PLEKHA7: variants seen among roughly 807,000 people sequenced by gnomAD.
The protein encoded by PLEKHA7 is pleckstrin homology domain containing A7.
A neutral mutation model predicts 170.0 loss-of-function variants in PLEKHA7; 104 were observed. That is an observed-to-expected ratio of 0.61 (90% confidence interval 0.52 to 0.72). The LOEUF is 0.72. Ranked by LOEUF, PLEKHA7 falls within the 30% of genes least tolerant of loss-of-function variation. The pLI is 0.00. For missense variants in PLEKHA7, 1,615 were observed against 1,671.7 expected (o/e 0.97, Z 0.59); for synonymous variants, 648 against 660.8 (o/e 0.98, Z 0.30).
intron 3 of PLEKHA7, among the ~76,000 whole-genome samples, chr11:16,874,100 C>T (rs771462353): frequency 2.0e-5 from 3 of 152,216 alleles, no homozygotes; most frequent in African/African-American, 4.8e-5. Flanking sequence ...AGCATTAACA[C>T]CACTATCTGT....
intron 12 of PLEKHA7, among the ~76,000 whole-genome samples, chr11:16,815,823 C>G (rs192002063): frequency 6.6e-6 from 1 of 152,080 alleles, no homozygotes; most frequent in Non-Finnish European, 1.5e-5. Context: ...GTCTCAGACT[C>G]GAGCTTTGAA....
chr11:16,937,446 G>A (rs558304990), intron 3 of PLEKHA7, among the ~76,000 whole-genome samples: 2 of 152,280 alleles, frequency 1.3e-5, no homozygotes, highest in East Asian at 3.9e-4. Context: ...ACGACCATCT[G>A]TATCATAGCC....
rs7928341 is a variant in PLEKHA7, at chr11:16,843,877, C to T, written c.697-2155G>A. 9.1e-3 allele frequency among the ~76,000 whole-genome samples: 1,386 copies of T among 152,276 alleles called. 16 individuals are homozygous for T. The highest frequency in any genetic ancestry group is 0.031 in the African/African-American group (1,304 of 41,552). ...GCTTGGACCCAGGAGGTGGAGGTTG[C>T]AATGAGTTGAGATTGAACCATTGCA... On this transcript the variant is annotated intron_variant, in intron 8 of 26. Transcript: ENST00000531066.
At position 16,964,573 on chromosome 11, in the gene PLEKHA7, G is replaced by A. The variant is rs555263651; in HGVS notation, c.221+49416C>T. Among the ~76,000 whole-genome samples, 5 of 152,298 alleles carry A rather than the reference G, an allele frequency of 3.3e-5. No homozygotes were observed. In the South Asian group the frequency reaches 1.0e-3, roughly 32 times the overall value. The stretch of plus-strand genomic sequence containing the variant: ...TGAGGGGCCTTGGGGTAACAGCAAA[G>A]GACTGCAACCAGAGAAGCAACTAGG... On this transcript the variant is annotated intron_variant, in intron 3 of 26. Transcript: ENST00000531066.
At chr11:16,866,214 T>C (rs1304793320) in intron 4 of PLEKHA7, among the ~76,000 whole-genome samples, 4 of 152,164 alleles carry the variant, frequency 2.6e-5, no homozygotes, top group Admixed American at 2.0e-4. Context: ...GTCCCGTAAC[T>C]TACTTTAGCT....
chr11:16,830,135 T>G (rs4757435), intron 9 of PLEKHA7, among the ~76,000 whole-genome samples: 2 of 150,820 alleles, frequency 1.3e-5, no homozygotes, highest in South Asian at 4.2e-4. Flanking sequence ...CCTGCCACCA[T>G]GTCTGGCTAA....
In PLEKHA7 at chr11:16,871,086, T is replaced by C. The variant is rs143274212; in HGVS notation, c.305+13A>G. 170 of 1,567,844 alleles carry C rather than the reference T, an allele frequency of 1.1e-4. No individual in the cohort carries two copies. The East Asian group carries it at 3.4e-3, about 31-fold the overall frequency. On this transcript the variant is annotated intron_variant, in intron 4 of 26. Transcript: ENST00000531066. ...ACTCTGCCCAGATAAGGAGAATACA[T>C]AAAAAGACTTACTCTTCTTGAAGAA...
intron 9 of PLEKHA7, among the ~76,000 whole-genome samples, chr11:16,830,152 A>AT (rs61589645): frequency 0.011 from 1,663 of 146,934 alleles, 16 homozygotes; most frequent in Middle Eastern, 0.033. Context: ...CTAATTTTTA[A>AT]TTTTTTTTTT....
intron 3 of PLEKHA7, among the ~76,000 whole-genome samples, chr11:17,008,698 C>T (rs764488538): frequency 1.3e-5 from 2 of 152,192 alleles, no homozygotes; most frequent in African/African-American, 4.8e-5. Flanking sequence ...GAATAAGATG[C>T]CTGCCTTCAA....
intron 13 of PLEKHA7, among the ~76,000 whole-genome samples, chr11:16,809,382 C>T (rs1375429343): frequency 1.3e-5 from 2 of 152,148 alleles, no homozygotes; most frequent in East Asian, 1.9e-4. Flanking sequence ...ACCAAGTCAA[C>T]GTGGCACATG....
Position 16,855,911 on chromosome 11 carries a change from C to T in PLEKHA7, c.309G>A (p.Pro103=), listed in dbSNP as rs757115226. 10 of 1,612,954 alleles carry T rather than the reference C, an allele frequency of 6.2e-6. No homozygotes were observed. The highest frequency in any genetic ancestry group is 1.7e-4 in the Middle Eastern group (1 of 6,060). The change falls in exon 5 of 27, where the codon CCG becomes CCA. Residue 103 remains proline, a synonymous_variant. Transcript: ENST00000531066. The part of the protein sequence containing the change: ...ENSEFILQEE[P]NPHMSKQDRN... ...TGTCTTGCTTCGACATATGTGGATT[C>T]GGCCTGTGAGGAGACAGGGGATTCC...
chr11:16,868,999 A>T, intron 4 of PLEKHA7, among the ~76,000 whole-genome samples: 1 of 152,214 alleles, frequency 6.6e-6, no homozygotes, highest in South Asian at 2.1e-4. Flanking sequence ...CGGACTCTCC[A>T]TCCAGACTTA....
chr11:16,796,048 G>A (rs1255008092), intron 17 of PLEKHA7, among the ~76,000 whole-genome samples: 3 of 151,816 alleles, frequency 2.0e-5, no homozygotes, highest in South Asian at 2.1e-4. Context: ...CAGTAGAGAC[G>A]CGGTTTCACC....
In PLEKHA7 at chr11:16,808,117, G is replaced by A. The variant is rs115277840; in HGVS notation, c.2008-4822C>T. Among the ~76,000 whole-genome samples the A allele has an allele frequency of 6.3e-3, 958 of 152,314 alleles. 8 individuals carry two copies. Among genetic ancestry groups the A allele is most frequent in the African/African-American group, 0.022 (913 of 41,570 alleles). The stretch of plus-strand genomic sequence containing the variant: ...CAGATACTGACACTTTCGGTCTGAG[G>A]ATCACATTTTGAGAGCCGCTACTTC... On this transcript the variant is annotated intron_variant, in intron 13 of 26. Transcript: ENST00000531066.
At chr11:16,878,832 T>A (rs1050698938) in intron 3 of PLEKHA7, among the ~76,000 whole-genome samples, 1 of 152,192 alleles carries the variant, frequency 6.6e-6, no homozygotes, top group Non-Finnish European at 1.5e-5. Flanking sequence ...AAGAACCTAA[T>A]GGTCATCAGC....
intron 3 of PLEKHA7, among the ~76,000 whole-genome samples, chr11:16,988,287 A>G (rs1443241117): frequency 6.6e-6 from 1 of 152,184 alleles, no homozygotes; most frequent in East Asian, 1.9e-4. Context: ...GAGAGATGCA[A>G]TCTAAACCTC....
At chr11:16,779,589 G>C (rs1049550413) in intron 26 of PLEKHA7, among the ~76,000 whole-genome samples, 8 of 152,150 alleles carry the variant, frequency 5.3e-5, no homozygotes, top group African/African-American at 1.7e-4. Context: ...GGCGTGGCTA[G>C]AGCACTTCCC....
At chr11:16,979,765 G>A (rs1863304536) in intron 3 of PLEKHA7, among the ~76,000 whole-genome samples, 2 of 151,746 alleles carry the variant, frequency 1.3e-5, no homozygotes, top group Admixed American at 1.3e-4. Context: ...TGGTTTCTCT[G>A]GCTAATCTTG....
chr11:16,991,984 C>T (rs1237117171), intron 3 of PLEKHA7, among the ~76,000 whole-genome samples: 2 of 152,112 alleles, frequency 1.3e-5, no homozygotes, highest in Non-Finnish European at 2.9e-5. Flanking sequence ...TTTAAAAGCT[C>T]CCCGGGAATG....
Sources: gnomAD v4.1 joint callset for allele counts (sites outside exome capture counted in the v4.1 genomes callset) on GRCh38, gnomAD v4.1.1 for gene constraint, MANE v1.5 for transcripts, NCBI Gene and HGNC (gene_info 2026-07-23, HGNC 2026-07-21) for gene names.